NBAS: variants seen among roughly 807,000 people sequenced by gnomAD.
The protein encoded by NBAS is NBAS subunit of NRZ tethering complex.
A neutral mutation model predicts 302.5 loss-of-function variants in NBAS; 219 were observed. That is an observed-to-expected ratio of 0.72 (90% CI 0.65 to 0.81). The LOEUF is 0.81. NBAS is among the 30% of genes least tolerant of loss of function. The pLI, the probability that NBAS is intolerant of heterozygous loss-of-function variation, is 0.00. For missense variants in NBAS, 2,932 were observed against 2,841.6 expected (o/e 1.03, Z -0.72); for synonymous variants, 1,118 against 1,021.6 (o/e 1.09, Z -1.80).
At chr2:15,213,052 T>C (rs559038331) in intron 48 of NBAS, among the ~76,000 whole-genome samples, 7 of 152,346 alleles carry the variant, frequency 4.6e-5, no homozygotes, top group African/African-American at 1.7e-4. Context: ...TAGAGCTTTA[T>C]AGGTATTAGC....
intron 31 of NBAS, among the ~76,000 whole-genome samples, chr2:15,371,580 C>T (rs914918739): frequency 6.6e-6 from 1 of 152,194 alleles, no homozygotes; most frequent in African/African-American, 2.4e-5. Context: ...CTCAAAGATA[C>T]TGTTGCCACA....
chr2:14,988,960 A>G, the NBAS span, among the ~76,000 whole-genome samples: 3 of 152,200 alleles, frequency 2.0e-5, no homozygotes, highest in Non-Finnish European at 1.5e-5. Flanking sequence ...AATAATCTCA[A>G]AAAAGGAATA....
At chr2:14,926,021 C>T in the NBAS span, among the ~76,000 whole-genome samples, 35,103 of 152,122 alleles carry the variant, frequency 0.23, 4,296 homozygotes, top group African/African-American at 0.3. Context: ...TTCTCCTGAT[C>T]ACACCTCTGG....
chr2:14,824,446 A>G, the NBAS span, among the ~76,000 whole-genome samples: 1 of 152,176 alleles, frequency 6.6e-6, no homozygotes, highest in Admixed American at 6.5e-5. Context: ...TGTAAAATAT[A>G]GGAGTCCAAT....
chr2:15,432,277 T>TA (rs199989865), intron 21 of NBAS, among the ~76,000 whole-genome samples: 14,681 of 140,968 alleles, frequency 0.1, 2,041 homozygotes, highest in African/African-American at 0.32. Context: ...CATCTCCACT[T>TA]AAAAAAAAAA....
At chr2:15,329,123 T>C (rs1357584021) in intron 36 of NBAS, among the ~76,000 whole-genome samples, 1 of 152,176 alleles carries the variant, frequency 6.6e-6, no homozygotes, top group Non-Finnish European at 1.5e-5. Context: ...CCAAATAGAT[T>C]GTAAAGCTCC....
chr2:15,271,669 G>A (rs1333162219), intron 44 of NBAS, among the ~76,000 whole-genome samples: 1 of 152,198 alleles, frequency 6.6e-6, no homozygotes, highest in Non-Finnish European at 1.5e-5. Flanking sequence ...TATGGATGTA[G>A]CAGTACTAGC....
At chr2:15,305,144 C>T (rs1360390272) in intron 40 of NBAS, among the ~76,000 whole-genome samples, 2 of 152,140 alleles carry the variant, frequency 1.3e-5, no homozygotes, top group Non-Finnish European at 2.9e-5. Flanking sequence ...TGTGTCCCCA[C>T]TCAAATCTCA....
the NBAS span, among the ~76,000 whole-genome samples, chr2:15,001,530 G>C: frequency 2.0e-5 from 3 of 152,070 alleles, no homozygotes; most frequent in Non-Finnish European, 2.9e-5. Flanking sequence ...TACAAATATA[G>C]TTATATTACA....
the NBAS span, among the ~76,000 whole-genome samples, chr2:14,872,757 T>C: frequency 6.6e-6 from 1 of 151,972 alleles, no homozygotes; most frequent in African/African-American, 2.4e-5. Context: ...TTCATAAACG[T>C]GGCGGGTCCA....
At position 15,394,301 on chromosome 2, in the gene NBAS, A is replaced by C; in HGVS notation, c.3183T>G (p.Phe1061Leu). The change falls in exon 28 of 52, where the codon TTT (phenylalanine) becomes TTG (leucine). Residue 1061 changes from phenylalanine to leucine, a missense_variant. Phe to Leu is a conservative substitution (Grantham distance 22). Transcript: ENST00000281513. ...EKHGLEKPIS[F>L]VKNTQSSSEE... ...CTGAGCTAGATTGAGTGTTTTTAAC[A>C]AATGAAATTGGTTTCTCGAGTCCAT... 1 of 1,613,306 alleles carries C rather than the reference A, an allele frequency of 6.2e-7. No individual in the cohort carries two copies. The highest frequency in any genetic ancestry group is 8.5e-7 in the Non-Finnish European group (1 of 1,179,436).
the NBAS span, among the ~76,000 whole-genome samples, chr2:15,052,360 C>T: frequency 1.3e-5 from 2 of 152,178 alleles, no homozygotes; most frequent in Non-Finnish European, 2.9e-5. Context: ...CCAGGAATCT[C>T]CAAGCATAGA....
the NBAS span, among the ~76,000 whole-genome samples, chr2:15,098,026 T>C: frequency 1.9e-4 from 4 of 21,366 alleles, no homozygotes; most frequent in African/African-American, 1.0e-3. Flanking sequence ...TTGTATATAA[T>C]ATATATATTA....
At chr2:15,053,981 T>C in the NBAS span, among the ~76,000 whole-genome samples, 1 of 151,828 alleles carries the variant, frequency 6.6e-6, no homozygotes, top group Non-Finnish European at 1.5e-5. Flanking sequence ...CCACTAGATT[T>C]TTGAGGCATT....
intron 50 of NBAS, among the ~76,000 whole-genome samples, chr2:15,180,727 G>C (rs1664780472): frequency 6.6e-6 from 1 of 152,226 alleles, no homozygotes; most frequent in Admixed American, 6.5e-5. Flanking sequence ...GGTGGGGCTA[G>C]TGCAACCGAG....
intron 21 of NBAS, among the ~76,000 whole-genome samples, chr2:15,451,084 C>T (rs1443053698): frequency 1.3e-5 from 2 of 152,164 alleles, no homozygotes; most frequent in African/African-American, 4.8e-5. Context: ...CAGAGTCTTG[C>T]TCTGTTGCCC....
At position 15,542,015 on chromosome 2, in the gene NBAS, C is replaced by G. The variant is rs1663868198; in HGVS notation, c.380-2659G>C. Among the ~76,000 whole-genome samples the G allele has an allele frequency of 2.4e-5, 2 of 82,008 alleles. 1 individual carries two copies. The highest frequency in any genetic ancestry group is 7.2e-4 in the South Asian group (2 of 2,794). 53.8% of individuals were successfully genotyped at this position (82,008 alleles called of 152,430 possible). The stretch of plus-strand genomic sequence containing the variant: ...CCGGGAGGGAGGTGGGGGGGTTCAG[C>G]CCCCCGCCCGGCCAGCCGCCCCGTC... On this transcript the variant is annotated intron_variant, in intron 6 of 51. Transcript: ENST00000281513.
At chr2:14,979,644 A>T in the NBAS span, among the ~76,000 whole-genome samples, 1 of 152,218 alleles carries the variant, frequency 6.6e-6, no homozygotes, top group African/African-American at 2.4e-5. Context: ...ACATAAGACC[A>T]AGTAACATAG....
intron 25 of NBAS, among the ~76,000 whole-genome samples, chr2:15,404,502 T>C (rs1275152381): frequency 1.4e-5 from 2 of 142,152 alleles, no homozygotes; most frequent in Non-Finnish European, 3.1e-5. Flanking sequence ...AATAATCACT[T>C]TTTTTTTTAA....
Sources: gnomAD v4.1 joint callset for allele counts (sites outside exome capture counted in the v4.1 genomes callset) on GRCh38, gnomAD v4.1.1 for gene constraint, MANE v1.5 for transcripts, NCBI Gene and HGNC (gene_info 2026-07-23, HGNC 2026-07-21) for gene names.